NAV3: variants seen among roughly 807,000 people sequenced by gnomAD.
The protein encoded by NAV3 is pore membrane and/or filament interacting like protein 1.
A neutral mutation model predicts 244.7 loss-of-function variants in NAV3; 87 were observed. The observed-to-expected ratio is 0.36, with a 90% confidence interval of 0.30 to 0.42. The LOEUF (loss-of-function observed/expected upper bound fraction) is 0.42, where lower values mean the gene tolerates loss of function less well. Ranked by LOEUF, NAV3 falls within the 20% of genes least tolerant of loss-of-function variation. NAV3 has a pLI of 1.00. For missense variants in NAV3, 2,663 were observed against 2,893.3 expected (o/e 0.92, Z 1.83); for synonymous variants, 1,126 against 1,042.2 (o/e 1.08, Z -1.55).
At chr12:77,906,654 G>A (rs2136991875) in intron 1 of NAV3, among the ~76,000 whole-genome samples, 1 of 152,164 alleles carries the variant, frequency 6.6e-6, no homozygotes, top group East Asian at 1.9e-4. Flanking sequence ...CCAGACACTA[G>A]TTATGTGATT....
chr12:77,733,823 A>T (rs558613839), intron 2 of NAV3, among the ~76,000 whole-genome samples: 1 of 143,330 alleles, frequency 7.0e-6, no homozygotes, highest in South Asian at 2.3e-4. Context: ...GCCCTAATTG[A>T]CTTGGTTTAG....
chr12:78,044,521 C>A (rs1446309042), intron 9 of NAV3, among the ~76,000 whole-genome samples: 2 of 152,104 alleles, frequency 1.3e-5, no homozygotes, highest in Non-Finnish European at 2.9e-5. Context: ...TTACTTTGGG[C>A]AGTATGACCA....
At chr12:77,624,696 T>C (rs941799833) in intron 2 of NAV3, among the ~76,000 whole-genome samples, 2 of 152,186 alleles carry the variant, frequency 1.3e-5, no homozygotes, top group Non-Finnish European at 2.9e-5. Context: ...TTATACATTT[T>C]CTTCAATTTA....
At chr12:78,117,957 T>C (rs300441) in intron 13 of NAV3, 70 bp from the exon 14 acceptor site, 90,968 of 1,379,464 alleles carry the variant, frequency 0.066, 3,281 homozygotes, top group Admixed American at 0.075. Context: ...TGAAAGTACA[T>C]TTCATTGCCT....
intron 3 of NAV3, among the ~76,000 whole-genome samples, chr12:77,954,937 G>C (rs1007271834): frequency 6.6e-6 from 1 of 151,584 alleles, no homozygotes; most frequent in Non-Finnish European, 1.5e-5. Context: ...TCCCTTTTTT[G>C]ATTAAAGCAC....
intron 2 of NAV3, among the ~76,000 whole-genome samples, chr12:77,643,890 G>A (rs1236897657): frequency 2.0e-5 from 3 of 151,904 alleles, no homozygotes; most frequent in Non-Finnish European, 4.4e-5. Flanking sequence ...TATTAAATCA[G>A]CAATATTAAA....
intron 2 of NAV3, among the ~76,000 whole-genome samples, chr12:77,789,816 G>GAAAAAAAAAA (rs57070028): frequency 7.9e-5 from 6 of 75,496 alleles, no homozygotes; most frequent in African/African-American, 1.9e-4. Context: ...GTCTCGAAAA[G>GAAAAAAAAAA]AAAAAAAAAA....
intron 2 of NAV3, among the ~76,000 whole-genome samples, chr12:77,661,384 ATATATGC>A (rs1233375848): frequency 4.6e-5 from 7 of 152,088 alleles, no homozygotes; most frequent in African/African-American, 1.7e-4. Context: ...CTTCAATAAG[ATATATGC>A]TCAGATATTT....
chr12:77,760,796 T>G (rs1233627881), intron 2 of NAV3, among the ~76,000 whole-genome samples: 1 of 152,208 alleles, frequency 6.6e-6, no homozygotes, highest in Non-Finnish European at 1.5e-5. Flanking sequence ...TCAAAACTTT[T>G]ATCAAGCTCA....
At chr12:77,729,459 T>C (rs770459) in intron 2 of NAV3, among the ~76,000 whole-genome samples, 89,402 of 151,648 alleles carry the variant, frequency 0.59, 26,761 homozygotes, top group East Asian at 0.88. Context: ...AAAATATTAG[T>C]GAAGAATTAA....
intron 2 of NAV3, among the ~76,000 whole-genome samples, chr12:77,692,520 G>T (rs1202622943): frequency 2.0e-5 from 3 of 151,946 alleles, no homozygotes; most frequent in East Asian, 3.9e-4. Context: ...CTAAGCATGG[G>T]GTATGATACA....
chr12:78,075,863 C>T (rs1953022364), intron 12 of NAV3, among the ~76,000 whole-genome samples: 1 of 152,150 alleles, frequency 6.6e-6, no homozygotes, highest in South Asian at 2.1e-4. Context: ...AAACAATGCA[C>T]TCTCAGTCCT....
At chr12:77,968,861 G>A (rs1892746474) in intron 5 of NAV3, among the ~76,000 whole-genome samples, 159 bp downstream of exon 5, 1 of 152,124 alleles carries the variant, frequency 6.6e-6, no homozygotes, top group Admixed American at 6.6e-5. Flanking sequence ...AACCACTCTT[G>A]TTTTGCTTGG....
rs191739769 is a variant in NAV3 at position 78,181,816 on chromosome 12, A to G, written c.5692+771A>G. ...GATTCCATTATAGAATGGAGATAGT[A>G]CACTGCTTGCCTTAAATCATATTAA... On this transcript the variant is annotated intron_variant, in intron 30 of 39. Transcript: ENST00000397909. 3.3e-5 allele frequency among the ~76,000 whole-genome samples: 5 copies of G among 152,140 alleles called. No homozygotes were observed. The East Asian group carries it at 7.7e-4, about 24-fold the overall frequency.
intron 35 of NAV3, among the ~76,000 whole-genome samples, chr12:78,197,837 T>C (rs1959202177): frequency 6.6e-6 from 1 of 151,902 alleles, no homozygotes; most frequent in South Asian, 2.1e-4. Context: ...AACAACAACG[T>C]TGGAATAGTT....
intron 2 of NAV3, among the ~76,000 whole-genome samples, chr12:77,704,690 A>C (rs974146922): frequency 2.6e-5 from 4 of 152,190 alleles, no homozygotes; most frequent in Non-Finnish European, 5.9e-5. Flanking sequence ...AATGGACTCC[A>C]CTTTAAGAGA....
chr12:77,619,837 G>A (rs1359089836), intron 2 of NAV3, among the ~76,000 whole-genome samples: 2 of 151,380 alleles, frequency 1.3e-5, no homozygotes, highest in Non-Finnish European at 2.9e-5. Flanking sequence ...ATTATTTTAG[G>A]GAGAGGGAAA....
At chr12:77,891,799 C>T (rs1405229628) in intron 1 of NAV3, among the ~76,000 whole-genome samples, 1 of 152,168 alleles carries the variant, frequency 6.6e-6, no homozygotes, top group Non-Finnish European at 1.5e-5. Context: ...TTACACTCTG[C>T]TGCCTTCCAG....
At chr12:77,900,623 G>A (rs112062424) in intron 1 of NAV3, among the ~76,000 whole-genome samples, 122 of 152,160 alleles carry the variant, frequency 8.0e-4, no homozygotes, top group African/African-American at 2.8e-3. Flanking sequence ...ACCATTTATG[G>A]TCTTCTAAGT....
Sources: allele counts gnomAD v4.1 joint callset (sites outside exome capture counted in the v4.1 genomes callset), GRCh38; gene constraint gnomAD v4.1.1; transcripts MANE v1.5; gene names NCBI Gene and HGNC (gene_info 2026-07-23, HGNC 2026-07-21).